The following ASTN2 variants were observed in gnomAD, a reference collection of about 807,000 sequenced individuals.
The protein encoded by ASTN2 is astrotactin-2.
ASTN2 carries 54 observed loss-of-function variants against 139.8 expected under a neutral mutation model. The ratio of observed to expected loss-of-function variants is 0.39; its 90% CI spans 0.31 to 0.48. The LOEUF is 0.48. Ranked by LOEUF, ASTN2 falls within the 20% of genes least tolerant of loss-of-function variation. The pLI is 0.95. For synonymous variants in ASTN2, 756 were observed against 719.5 expected, an observed-to-expected ratio of 1.05 and a Z score of -0.81; for missense variants, 1,565 against 1,725.1, an observed-to-expected ratio of 0.91 and a Z score of 1.64.
intron 19 of ASTN2, among the ~76,000 whole-genome samples, chr9:116,520,504 G>C (rs1413241500): frequency 2.0e-5 from 3 of 151,788 alleles, no homozygotes; most frequent in Non-Finnish European, 4.4e-5. Context: ...CATACTTTAA[G>C]GTAATAAAAG....
intron 10 of ASTN2, among the ~76,000 whole-genome samples, chr9:116,960,549 G>T (rs1835849343): frequency 6.7e-6 from 1 of 149,888 alleles, no homozygotes; most frequent in South Asian, 2.1e-4. Context: ...TTAGCCTTTT[G>T]CTATTGGGGG....
intron 4 of ASTN2, among the ~76,000 whole-genome samples, chr9:117,117,879 C>T (rs1454091290): frequency 1.3e-5 from 2 of 152,118 alleles, no homozygotes; most frequent in African/African-American, 4.8e-5. Flanking sequence ...GGGTGAACTT[C>T]GCAGGCTCTG....
Position 116,898,234 on chromosome 9 carries a change from C to A in ASTN2, c.1890-34501G>T, listed in dbSNP as rs542927582. ...CCACCCTGGGCAACATAGTGAGACC[C>A]TATCTCTACAAAAAATAGAAAAAAT... is the stretch of plus-strand genomic sequence containing the variant. On this transcript the variant is annotated intron_variant, in intron 10 of 22. Transcript: ENST00000313400. 2.0e-5 allele frequency among the ~76,000 whole-genome samples: 3 copies of A among 151,910 alleles called. No individual in the cohort carries two copies. In the South Asian group the frequency reaches 6.2e-4, roughly 32 times the overall value.
At chr9:117,310,426 A>T (rs539593100) in intron 1 of ASTN2, among the ~76,000 whole-genome samples, 2 of 152,090 alleles carry the variant, frequency 1.3e-5, no homozygotes, top group African/African-American at 4.8e-5. Flanking sequence ...TTTCTAGTAC[A>T]GTGTAGTAAA....
intron 11 of ASTN2, among the ~76,000 whole-genome samples, chr9:116,847,755 G>T (rs1270453993): frequency 1.3e-5 from 2 of 152,206 alleles, no homozygotes; most frequent in Non-Finnish European, 2.9e-5. Flanking sequence ...GCACAGCCAG[G>T]ATCTGAAGCC....
At chr9:117,345,440 A>T (rs967322809) in intron 1 of ASTN2, among the ~76,000 whole-genome samples, 6 of 152,204 alleles carry the variant, frequency 3.9e-5, no homozygotes, top group African/African-American at 1.4e-4. Context: ...CTTCAGACAT[A>T]GTAAATCACT....
Position 117,414,349 on chromosome 9 carries a change from G to C in ASTN2, c.442+148C>G. On this transcript the variant is annotated intron_variant, in intron 1 of 22. Coordinates refer to ENST00000313400, the MANE Select transcript of ASTN2 (RefSeq NM_001365068.1). This position sits in a 1 kb window ranked among gnomAD's most constrained non-coding sequence, Gnocchi z 4.2. ...CCCACATGCTCGTTTCCAACCACCT[G>C]TGCGACCTCTGGGCCCCTCCTCTAC... 1 of 1,317,350 alleles carries C rather than the reference G, an allele frequency of 7.6e-7. No individual in the cohort carries two copies. The highest frequency in any genetic ancestry group is 1.0e-6 in the Non-Finnish European group (1 of 1,002,442). The allele number at this position is 1,317,350 out of a possible 1,614,324, so 81.6% of individuals were successfully genotyped here. A position where few individuals can be genotyped will look rare whatever the true frequency, so the allele number is the denominator to read the frequency against.
chr9:116,993,876 A>ATATAT (rs1030120382), intron 7 of ASTN2, among the ~76,000 whole-genome samples: 1 of 142,058 alleles, frequency 7.0e-6, no homozygotes, highest in African/African-American at 2.6e-5. Context: ...ATATATATAT[A>ATATAT]TTTTAACTAT....
chr9:117,277,748 A>G (rs1261377069), intron 2 of ASTN2, among the ~76,000 whole-genome samples: 2 of 152,228 alleles, frequency 1.3e-5, no homozygotes, highest in Non-Finnish European at 2.9e-5. Context: ...GATGAAATAT[A>G]TATTATCTAT....
At position 116,713,536 on chromosome 9, in the gene ASTN2, T is replaced by A. The variant is rs552263306; in HGVS notation, c.2806+12235A>T. Among the ~76,000 whole-genome samples, 4 of 152,244 alleles carry A rather than the reference T, an allele frequency of 2.6e-5. No homozygotes were observed. The East Asian group carries it at 5.8e-4, about 22-fold the overall frequency. On this transcript the variant is annotated intron_variant, in intron 16 of 22. Coordinates refer to ENST00000313400, the MANE Select transcript of ASTN2 (RefSeq NM_001365068.1). The stretch of plus-strand genomic sequence containing the variant: ...TGCAGGCTTACATCCTGCCGATCAA[T>A]CTCCCTCTTTTTTCGCTCTTCCTGA...
chr9:116,725,736 C>A, intron 16 of ASTN2, 35 bp downstream of exon 16: 1 of 1,599,560 alleles, frequency 6.3e-7, no homozygotes, highest in Non-Finnish European at 8.5e-7. Flanking sequence ...TATAGCCTGC[C>A]TGGCCACCTC....
At position 116,976,733 on chromosome 9, in the gene ASTN2, C is replaced by A; in HGVS notation, c.1644G>T (p.Leu548=). 6.2e-7 allele frequency: 1 copy of A among 1,614,128 alleles called. No homozygotes were observed. The highest frequency in any genetic ancestry group is 8.5e-7 in the Non-Finnish European group (1 of 1,179,992). ...GYAPDPVHRH[L]CVRSDWGQSE... ...TCTGTCCCCAGTCACTGCGCACACA[C>A]AGGTGTCTGTGAACAGGGTCAGGGG... The change falls in exon 8 of 23, where the codon CTG becomes CTT. Residue 548 remains leucine (L), a synonymous_variant. Transcript: ENST00000313400.
chr9:117,163,235 C>T (rs1830593582), intron 3 of ASTN2, among the ~76,000 whole-genome samples: 2 of 152,042 alleles, frequency 1.3e-5, no homozygotes, highest in African/African-American at 2.4e-5. Context: ...GGAGGCCCAC[C>T]TTTGAGTGGA....
chr9:117,240,312 C>T (rs565320374), intron 2 of ASTN2, among the ~76,000 whole-genome samples: 1 of 152,096 alleles, frequency 6.6e-6, no homozygotes, highest in Non-Finnish European at 1.5e-5. Context: ...ATTTGAATCC[C>T]AAAAACCTGT....
chr9:116,681,719 C>G (rs982985467), intron 16 of ASTN2, among the ~76,000 whole-genome samples: 3 of 152,080 alleles, frequency 2.0e-5, no homozygotes, highest in Non-Finnish European at 4.4e-5. Flanking sequence ...GAAATAACAC[C>G]GCATATCTAC....
At chr9:116,595,174 T>C (rs548075767) in intron 19 of ASTN2, among the ~76,000 whole-genome samples, 40 of 152,344 alleles carry the variant, frequency 2.6e-4, no homozygotes, top group African/African-American at 9.1e-4. Flanking sequence ...ACAATTTTGA[T>C]GATTATATAG....
At position 116,744,339 on chromosome 9, in the gene ASTN2, C is replaced by T. The variant is rs552439989; in HGVS notation, c.2397-10816G>A. Among the ~76,000 whole-genome samples the T allele has an allele frequency of 5.3e-4, 81 of 152,214 alleles. 1 individual carries two copies. In the South Asian group the frequency reaches 5.4e-3, roughly 10 times the overall value. On this transcript the variant is annotated intron_variant, in intron 13 of 22. Transcript: ENST00000313400. ...GATCTCATGGGTTTTCTAAGTGATGCTACAGAAGGTGGGCTTCATTCTAAG... is the reference window on the plus strand; with the variant it reads ...GATCTCATGGGTTTTCTAAGTGATGTTACAGAAGGTGGGCTTCATTCTAAG...
chr9:117,013,024 C>G (rs1334074), intron 6 of ASTN2, among the ~76,000 whole-genome samples: 22,154 of 152,152 alleles, frequency 0.15, 2,050 homozygotes, highest in Non-Finnish European at 0.21. Context: ...CCCCTCCCCC[C>G]ATCCCTCACT....
At chr9:116,576,978 T>C (rs28688239) in intron 19 of ASTN2, among the ~76,000 whole-genome samples, 31,788 of 152,168 alleles carry the variant, frequency 0.21, 4,387 homozygotes, top group African/African-American at 0.38. Flanking sequence ...TAAACATTTA[T>C]AGGGTTCTTC....
Sources: allele counts gnomAD v4.1 joint callset (sites outside exome capture counted in the v4.1 genomes callset), GRCh38; gene constraint gnomAD v4.1.1; non-coding constraint Gnocchi (gnomAD v3.1); transcripts MANE v1.5; gene names NCBI Gene and HGNC (gene_info 2026-07-23, HGNC 2026-07-21).